CDH13: variants seen among roughly 807,000 people sequenced by gnomAD.
The protein encoded by CDH13 is cadherin-13.
CDH13 carries 24 observed loss-of-function variants against 63.8 expected under a neutral mutation model. The ratio of observed to expected loss-of-function variants is 0.38; its 90% CI spans 0.27 to 0.53. The LOEUF (loss-of-function observed/expected upper bound fraction) is 0.53. CDH13 is among the 20% of genes least tolerant of loss of function. The probability of loss-of-function intolerance (pLI) is 0.85; values close to 1 mark genes in which losing one functional copy is unlikely to be tolerated. For synonymous variants in CDH13, 503 were observed against 355.3 expected, an observed-to-expected ratio of 1.42 and a Z score of -4.67; for missense variants, 1,049 against 903.1, an observed-to-expected ratio of 1.16 and a Z score of -2.07.
intron 4 of CDH13, among the ~76,000 whole-genome samples, chr16:83,133,269 G>A (rs538603352): frequency 3.9e-5 from 6 of 152,130 alleles, no homozygotes; most frequent in Middle Eastern, 3.2e-3. Flanking sequence ...TTTTGTAAGC[G>A]TAAAATACAC....
chr16:82,847,712 T>A (rs1174332050), intron 1 of CDH13, among the ~76,000 whole-genome samples: 2 of 152,150 alleles, frequency 1.3e-5, no homozygotes, highest in African/African-American at 4.8e-5. Flanking sequence ...TCTATTCTGT[T>A]TGCGTTATCT....
intron 1 of CDH13, among the ~76,000 whole-genome samples, chr16:82,666,082 G>T (rs1912548651): frequency 6.6e-6 from 1 of 152,128 alleles, no homozygotes; most frequent in African/African-American, 2.4e-5. Flanking sequence ...AGAGGGTGTG[G>T]ACTGTGATTC....
At chr16:82,757,784 GGCGTGTGCCACCAC>G in intron 1 of CDH13, among the ~76,000 whole-genome samples, 1 of 152,008 alleles carries the variant, frequency 6.6e-6, no homozygotes, top group South Asian at 2.1e-4. Flanking sequence ...TGGGACTATA[GGCGTGTGCCACCAC>G]GCCCAGCTAG....
At chr16:83,286,772 A>G (rs1312128584) in intron 5 of CDH13, among the ~76,000 whole-genome samples, 4 of 147,354 alleles carry the variant, frequency 2.7e-5, no homozygotes, top group Non-Finnish European at 6.0e-5. Flanking sequence ...AAAAAAATGT[A>G]TATATATATA....
rs534480942 is a variant in CDH13 at position 83,366,689 on chromosome 16, A to G, written c.781+21683A>G. Among the ~76,000 whole-genome samples, 4 of 152,278 alleles carry G rather than the reference A, an allele frequency of 2.6e-5. No homozygotes were observed. In the East Asian group the frequency reaches 7.7e-4, roughly 29 times the overall value. On this transcript the variant is annotated intron_variant, in intron 6 of 13. Coordinates refer to ENST00000567109, the MANE Select transcript of CDH13 (RefSeq NM_001257.5). ...ACCTAGAACACATGTGTTGGAAGTA[A>G]TCCTTTATGATAGGTCCCTTAATGT...
At chr16:83,521,553 A>C (rs2074837819) in intron 7 of CDH13, among the ~76,000 whole-genome samples, 1 of 152,242 alleles carries the variant, frequency 6.6e-6, no homozygotes, top group Admixed American at 6.5e-5. Flanking sequence ...ATTGGATGAG[A>C]ATATTGTTAA....
chr16:83,567,670 G>T (rs536664792), intron 7 of CDH13, among the ~76,000 whole-genome samples: 1 of 152,042 alleles, frequency 6.6e-6, no homozygotes, highest in Non-Finnish European at 1.5e-5. Context: ...ATCTGGGCTC[G>T]CTGCAAGCTC....
At chr16:83,392,769 C>T (rs1338289516) in intron 6 of CDH13, among the ~76,000 whole-genome samples, 1 of 152,074 alleles carries the variant, frequency 6.6e-6, no homozygotes, top group Non-Finnish European at 1.5e-5. Flanking sequence ...TCTGTAATTA[C>T]ACGCTAAATT....
chr16:82,973,095 C>T (rs1040908891), intron 2 of CDH13, among the ~76,000 whole-genome samples: 2 of 152,192 alleles, frequency 1.3e-5, no homozygotes, highest in African/African-American at 4.8e-5. Flanking sequence ...AGCATTTCTG[C>T]CACTCTTCTG....
chr16:83,194,260 G>A (rs1024497707), intron 4 of CDH13, among the ~76,000 whole-genome samples: 2 of 152,194 alleles, frequency 1.3e-5, no homozygotes, highest in Non-Finnish European at 2.9e-5. Context: ...CCTCTGGCCT[G>A]GGTCCTCAGA....
At chr16:83,607,144 A>C (rs1469902612) in intron 8 of CDH13, among the ~76,000 whole-genome samples, 1 of 152,152 alleles carries the variant, frequency 6.6e-6, no homozygotes, top group Non-Finnish European at 1.5e-5. Flanking sequence ...TCATCCAGGC[A>C]CGGTGGCTCA....
At chr16:83,264,048 T>C (rs1198350565) in intron 5 of CDH13, among the ~76,000 whole-genome samples, 1 of 152,194 alleles carries the variant, frequency 6.6e-6, no homozygotes, top group African/African-American at 2.4e-5. Context: ...CCAATTTCCA[T>C]TTTTTATTAG....
chr16:83,623,482 C>T (rs910512248), intron 8 of CDH13, among the ~76,000 whole-genome samples: 1 of 152,148 alleles, frequency 6.6e-6, no homozygotes, highest in Non-Finnish European at 1.5e-5. Flanking sequence ...TCATCATGGT[C>T]GTCCCCTTCG....
intron 3 of CDH13, among the ~76,000 whole-genome samples, chr16:83,100,979 A>G (rs887466019): frequency 2.0e-5 from 3 of 152,020 alleles, no homozygotes; most frequent in Non-Finnish European, 4.4e-5. Context: ...ATTCTTTCTC[A>G]TTTTTCATTT....
At chr16:82,907,381 C>T (rs1196862231) in intron 2 of CDH13, among the ~76,000 whole-genome samples, 1 of 152,098 alleles carries the variant, frequency 6.6e-6, no homozygotes. Context: ...TAATCATAAT[C>T]CCTTTACTGT....
At position 83,795,747 on chromosome 16, in the gene CDH13, G is replaced by C. The variant is rs1490693155; in HGVS notation, c.*717G>C. 2.0e-5 allele frequency: 3 copies of C among 152,410 alleles called. No individual in the cohort carries two copies. Among genetic ancestry groups the C allele is most frequent in the Admixed American group, 2.0e-4 (3 of 15,276 alleles). 9.4% of individuals were successfully genotyped at this position (152,410 alleles called of 1,614,324 possible). A position where few individuals can be genotyped will look rare whatever the true frequency, so the allele number is the denominator to read the frequency against. ...CGTGATCCTGAGCCAAGGAGGTGAG[G>C]AGCAGAGCAGGCAATTTCACCACCA... On this transcript the variant is annotated 3_prime_UTR_variant, in exon 14 of 14. Coordinates refer to ENST00000567109, the MANE Select transcript of CDH13 (RefSeq NM_001257.5).
At chr16:82,678,012 C>T (rs113520720) in intron 1 of CDH13, among the ~76,000 whole-genome samples, 41 of 152,168 alleles carry the variant, frequency 2.7e-4, no homozygotes, top group Middle Eastern at 3.4e-3. Flanking sequence ...TTTAATGAAT[C>T]GTGGTCAGAA....
intron 6 of CDH13, among the ~76,000 whole-genome samples, chr16:83,447,558 C>T (rs1288236349): frequency 6.6e-6 from 1 of 151,920 alleles, no homozygotes. Context: ...TTGAGCTGGG[C>T]GGGGCAGATG....
At chr16:82,964,411 G>A (rs1465777153) in intron 2 of CDH13, among the ~76,000 whole-genome samples, 1 of 152,166 alleles carries the variant, frequency 6.6e-6, no homozygotes, top group Non-Finnish European at 1.5e-5. Flanking sequence ...GTGACAGCAG[G>A]TAGCCCTCTT....
Sources: gnomAD v4.1 joint callset for allele counts (sites outside exome capture counted in the v4.1 genomes callset) on GRCh38, gnomAD v4.1.1 for gene constraint, MANE v1.5 for transcripts, NCBI Gene and HGNC (gene_info 2026-07-23, HGNC 2026-07-21) for gene names.